DCC: variants seen among roughly 807,000 people sequenced by gnomAD.
DCC encodes the protein netrin receptor DCC.
In DCC, 58 loss-of-function variants were observed where a neutral mutation model predicts 172.5. The ratio of observed to expected loss-of-function variants is 0.34; its 90% CI spans 0.27 to 0.42. The LOEUF (loss-of-function observed/expected upper bound fraction) is 0.42, where lower values mean the gene tolerates loss of function less well. Ranked by LOEUF, DCC falls within the 10% of genes least tolerant of loss-of-function variation. DCC has a pLI of 1.00. For synonymous variants in DCC, 709 were observed against 644.5 expected, an observed-to-expected ratio of 1.10 and a Z score of -1.52; for missense variants, 1,740 against 1,791.0, an observed-to-expected ratio of 0.97 and a Z score of 0.51.
intron 25 of DCC, among the ~76,000 whole-genome samples, chr18:53,469,984 G>T (rs997481702): frequency 3.3e-5 from 5 of 152,022 alleles, no homozygotes; most frequent in Admixed American, 6.6e-5. Flanking sequence ...TCTTTGGCTT[G>T]CAATGTACTA....
chr18:52,372,914 T>C (rs1985185168), intron 1 of DCC, among the ~76,000 whole-genome samples: 1 of 152,200 alleles, frequency 6.6e-6, no homozygotes, highest in Admixed American at 6.5e-5. Flanking sequence ...ATTGTTCGAA[T>C]GGAAAATGCA....
chr18:52,532,713 GTTT>G (rs35764678), intron 1 of DCC, among the ~76,000 whole-genome samples: 1 of 150,328 alleles, frequency 6.7e-6, no homozygotes, highest in Non-Finnish European at 1.5e-5. Flanking sequence ...TCTATAAACT[GTTT>G]TTTTTTCTGA....
intron 2 of DCC, among the ~76,000 whole-genome samples, chr18:52,866,112 G>A (rs2039225011): frequency 6.6e-6 from 1 of 152,138 alleles, no homozygotes; most frequent in Non-Finnish European, 1.5e-5. Context: ...TCTGCATATG[G>A]CTAGCTGATT....
At chr18:52,366,890 G>C (rs530356206) in intron 1 of DCC, among the ~76,000 whole-genome samples, 1 of 152,224 alleles carries the variant, frequency 6.6e-6, no homozygotes, top group Non-Finnish European at 1.5e-5. Context: ...TGCCAGTCCC[G>C]TGCCGTGCGC....
intron 25 of DCC, among the ~76,000 whole-genome samples, chr18:53,479,728 C>A (rs548738179): frequency 6.6e-6 from 1 of 152,108 alleles, no homozygotes; most frequent in Non-Finnish European, 1.5e-5. Flanking sequence ...AAAAAGTATA[C>A]CAACTTAGCT....
rs1033675527 is a variant in DCC at position 53,274,651 on chromosome 18, C to T, written c.1912-30927C>T. 1.8e-4 allele frequency among the ~76,000 whole-genome samples: 27 copies of T among 152,054 alleles called. 1 individual carries two copies. The highest frequency in any genetic ancestry group is 5.9e-5 in the Non-Finnish European group (4 of 68,002). On this transcript the variant is annotated intron_variant, in intron 12 of 28. Transcript: ENST00000442544. The stretch of plus-strand genomic sequence containing the variant: ...ATTTTCAGGGAAATAAGGAGGAATT[C>T]GTTTGAAAATCCCAGTTGAACACCT...
intron 12 of DCC, among the ~76,000 whole-genome samples, chr18:53,260,710 A>C (rs958239639): frequency 6.6e-6 from 1 of 152,068 alleles, no homozygotes; most frequent in East Asian, 1.9e-4. Context: ...TGCTGGGAGA[A>C]CCACTACTCT....
chr18:52,518,633 G>A (rs1440967425), intron 1 of DCC, among the ~76,000 whole-genome samples: 1 of 152,162 alleles, frequency 6.6e-6, no homozygotes, highest in Admixed American at 6.5e-5. Context: ...CTGAATACAT[G>A]TGAAATGAGC....
intron 28 of DCC, chr18:53,527,090 CGTGTGTGTGTGTGTGT>C (rs200516080): frequency 6.8e-4 from 139 of 204,800 alleles, no homozygotes; most frequent in African/African-American, 2.6e-3. Context: ...CACATGGATA[CGTGTGTGTGTGTGTGT>C]GTGTGTGTGT....
intron 1 of DCC, among the ~76,000 whole-genome samples, chr18:52,687,204 A>T (rs936934819): frequency 6.6e-6 from 1 of 152,030 alleles, no homozygotes; most frequent in Non-Finnish European, 1.5e-5. Context: ...ATATGGATAC[A>T]TCTTGAATCA....
At chr18:52,484,034 G>GA (rs1237356037) in intron 1 of DCC, among the ~76,000 whole-genome samples, 2 of 151,902 alleles carry the variant, frequency 1.3e-5, no homozygotes, top group East Asian at 1.9e-4. Context: ...TATGCTCTGG[G>GA]AAAAAATAAT....
In DCC at chr18:53,477,219, G is replaced by T. The variant is rs545767713; in HGVS notation, c.3736+9209G>T. On this transcript the variant is annotated intron_variant, in intron 25 of 28. Transcript: ENST00000442544. Reference sequence around the variant, plus strand: ...AGACGAGGTTTCACCACGTTGCCCAGGCTGGTCTCAAACTCCTGGGCTCAA... The same window carrying T: ...AGACGAGGTTTCACCACGTTGCCCATGCTGGTCTCAAACTCCTGGGCTCAA... 3.3e-5 allele frequency among the ~76,000 whole-genome samples: 5 copies of T among 152,202 alleles called. No individual in the cohort carries two copies. The South Asian group carries it at 1.0e-3, about 32-fold the overall frequency.
chr18:52,498,194 G>A lies in DCC; in HGVS notation c.91+157316G>A, dbSNP rs1336154340. Among the ~76,000 whole-genome samples, 3 of 152,098 alleles carry A rather than the reference G, an allele frequency of 2.0e-5. No homozygotes were observed. In the South Asian group the frequency reaches 6.2e-4, roughly 32 times the overall value. Reference sequence around the variant, plus strand: ...CAAAGGCCACACAAGAACAGGTGGTGGGCCAGACCTAGTTTGCTGACTCCT... The same window carrying A: ...CAAAGGCCACACAAGAACAGGTGGTAGGCCAGACCTAGTTTGCTGACTCCT... On this transcript the variant is annotated intron_variant, in intron 1 of 28. Coordinates refer to ENST00000442544, the MANE Select transcript of DCC (RefSeq NM_005215.4).
intron 26 of DCC, among the ~76,000 whole-genome samples, chr18:53,496,375 A>T (rs1847127): frequency 0.056 from 8,591 of 152,254 alleles, 815 homozygotes; most frequent in African/African-American, 0.19. Context: ...ACTGTTTGTT[A>T]GAAGGAAAAC....
intron 21 of DCC, among the ~76,000 whole-genome samples, chr18:53,421,187 C>T (rs924032049): frequency 6.6e-6 from 1 of 152,202 alleles, no homozygotes; most frequent in African/African-American, 2.4e-5. Flanking sequence ...CATTTAATGT[C>T]CAAATATTGT....
intron 21 of DCC, among the ~76,000 whole-genome samples, chr18:53,428,350 T>TATTATA (rs1568125860): frequency 2.5e-4 from 13 of 52,616 alleles, no homozygotes; most frequent in African/African-American, 7.7e-4. Flanking sequence ...TATAATATAA[T>TATTATA]ATATGTTGTA....
intron 7 of DCC, among the ~76,000 whole-genome samples, chr18:53,098,361 A>C (rs140197390): frequency 2.4e-3 from 369 of 152,260 alleles, no homozygotes; most frequent in African/African-American, 8.7e-3. Flanking sequence ...GTAAAGGGTA[A>C]GATCCAGGAT....
At chr18:53,258,078 T>C (rs1451027720) in intron 12 of DCC, among the ~76,000 whole-genome samples, 9 of 152,206 alleles carry the variant, frequency 5.9e-5, no homozygotes, top group Admixed American at 6.5e-5. Context: ...CATTTTTTCT[T>C]GCATGTATTT....
At chr18:53,156,702 A>T (rs2054741902) in intron 7 of DCC, among the ~76,000 whole-genome samples, 1 of 152,112 alleles carries the variant, frequency 6.6e-6, no homozygotes, top group Non-Finnish European at 1.5e-5. Flanking sequence ...TAAAAATGCC[A>T]ATAGGTTATC....
Sources: allele counts gnomAD v4.1 joint callset (sites outside exome capture counted in the v4.1 genomes callset), GRCh38; gene constraint gnomAD v4.1.1; transcripts MANE v1.5; gene names NCBI Gene and HGNC (gene_info 2026-07-23, HGNC 2026-07-21).